PPP6R3: variants seen among roughly 807,000 people sequenced by gnomAD.
The protein encoded by PPP6R3 is protein phosphatase 6 regulatory subunit 3.
A neutral mutation model predicts 110.7 loss-of-function variants in PPP6R3; 38 were observed. The ratio of observed to expected loss-of-function variants is 0.34; its 90% CI spans 0.26 to 0.45. The LOEUF (loss-of-function observed/expected upper bound fraction) is 0.45. Ranked by LOEUF, PPP6R3 falls within the 20% of genes least tolerant of loss-of-function variation. The pLI, the probability that PPP6R3 is intolerant of heterozygous loss-of-function variation, is 1.00. For missense variants in PPP6R3, 870 were observed against 1,062.4 expected (o/e 0.82, Z 2.52); for synonymous variants, 369 against 373.5 (o/e 0.99, Z 0.14).
intron 1 of PPP6R3, among the ~76,000 whole-genome samples, chr11:68,516,431 A>G (rs921831727): frequency 6.6e-6 from 1 of 152,226 alleles, no homozygotes; most frequent in African/African-American, 2.4e-5. Context: ...TTTAAACACA[A>G]CTGAATTATA....
At chr11:68,594,308 G>GAAAA in intron 18 of PPP6R3, among the ~76,000 whole-genome samples, 2 of 149,064 alleles carry the variant, frequency 1.3e-5, no homozygotes, top group African/African-American at 5.0e-5. Context: ...AGGAGAGAGA[G>GAAAA]AGAGAGAGAG....
At chr11:68,494,441 C>T (rs2099004101) in intron 1 of PPP6R3, among the ~76,000 whole-genome samples, 2 of 146,342 alleles carry the variant, frequency 1.4e-5, no homozygotes, top group African/African-American at 5.1e-5. Flanking sequence ...AAAGCTGGTA[C>T]CTATACGCAA....
intron 2 of PPP6R3, among the ~76,000 whole-genome samples, chr11:68,527,320 A>G (rs2099204163): frequency 6.6e-6 from 1 of 152,102 alleles, no homozygotes; most frequent in African/African-American, 2.4e-5. Context: ...CCCCTCTCCA[A>G]TCTGTCTTTC....
intron 1 of PPP6R3, among the ~76,000 whole-genome samples, chr11:68,501,080 T>C (rs1423489501): frequency 1.3e-5 from 2 of 152,214 alleles, no homozygotes; most frequent in Non-Finnish European, 2.9e-5. Context: ...GTTAGTTTTT[T>C]CATGTTTATT....
intron 14 of PPP6R3, among the ~76,000 whole-genome samples, chr11:68,576,747 G>A (rs1421636532): frequency 2.0e-5 from 3 of 152,156 alleles, no homozygotes; most frequent in Non-Finnish European, 4.4e-5. Context: ...GAAGCAGCAC[G>A]TGACTCGACA....
intron 19 of PPP6R3, among the ~76,000 whole-genome samples, chr11:68,597,142 G>A (rs2099616124): frequency 1.3e-5 from 2 of 152,180 alleles, no homozygotes; most frequent in Admixed American, 6.5e-5. Context: ...AACTGTGAAC[G>A]GGCCACAGAC....
chr11:68,594,950 AAAGGCAATTCAGTGAAGAAAGG>A (rs1252419971), intron 18 of PPP6R3, among the ~76,000 whole-genome samples: 1 of 152,246 alleles, frequency 6.6e-6, no homozygotes, highest in Non-Finnish European at 1.5e-5. Flanking sequence ...GATAGAGGCG[AAAGGCAATTCAGTGAAGAAAGG>A]ATAGTCTTTT....
chr11:68,476,037 C>T (rs971540613), intron 1 of PPP6R3, among the ~76,000 whole-genome samples: 2 of 151,634 alleles, frequency 1.3e-5, no homozygotes, highest in Admixed American at 6.6e-5. Flanking sequence ...CAGGCAGAGA[C>T]GCTCCTCACT....
intron 1 of PPP6R3, among the ~76,000 whole-genome samples, chr11:68,484,308 C>T (rs887557167): frequency 2.0e-4 from 30 of 152,132 alleles, no homozygotes; most frequent in South Asian, 6.2e-4. Context: ...AGTGGCTGTA[C>T]CATTTTATAT....
chr11:68,498,380 A>T (rs1234502188), intron 1 of PPP6R3, among the ~76,000 whole-genome samples: 3 of 152,124 alleles, frequency 2.0e-5, no homozygotes, highest in African/African-American at 7.2e-5. Context: ...CTTCTCTTCT[A>T]TATTATTACT....
intron 6 of PPP6R3, among the ~76,000 whole-genome samples, chr11:68,552,875 G>C (rs922646260): frequency 1.3e-5 from 2 of 152,224 alleles, no homozygotes; most frequent in Admixed American, 6.5e-5. Flanking sequence ...TCTGCAACAA[G>C]TTTTTTGAGA....
intron 4 of PPP6R3, 47 bp from the exon 5 acceptor site, chr11:68,548,020 A>G: frequency 6.4e-7 from 1 of 1,574,762 alleles, no homozygotes; most frequent in Non-Finnish European, 8.6e-7. Context: ...TAAAGTTTAT[A>G]GTTTCCAAGT....
intron 15 of PPP6R3, 136 bp from the exon 16 acceptor site, chr11:68,587,791 C>T: frequency 1.2e-6 from 1 of 817,012 alleles, no homozygotes; most frequent in Non-Finnish European, 2.1e-6. Flanking sequence ...TTTGATTTTT[C>T]TTTTAGAAAA....
chr11:68,603,545 G>A, intron 22 of PPP6R3, 53 bp downstream of exon 22: 1 of 1,606,082 alleles, frequency 6.2e-7, no homozygotes, highest in Non-Finnish European at 8.5e-7. Context: ...GAGGATGGTG[G>A]GGCAGAAACC....
At chr11:68,563,753 T>C (rs993189900) in intron 8 of PPP6R3, among the ~76,000 whole-genome samples, 1 of 152,232 alleles carries the variant, frequency 6.6e-6, no homozygotes, top group African/African-American at 2.4e-5. Flanking sequence ...CCCAGAATTC[T>C]TATCCTTGAG....
At chr11:68,506,414 C>CAA (rs67739319) in intron 1 of PPP6R3, among the ~76,000 whole-genome samples, 1,033 of 46,054 alleles carry the variant, frequency 0.022, 109 homozygotes, top group South Asian at 0.037. Flanking sequence ...CCTTTATACT[C>CAA]AAAAAAAAAA....
At chr11:68,595,860 G>T (rs2099612447) in intron 18 of PPP6R3, among the ~76,000 whole-genome samples, 1 of 152,186 alleles carries the variant, frequency 6.6e-6, no homozygotes, top group Non-Finnish European at 1.5e-5. Flanking sequence ...TTCTTAGATT[G>T]TGGCCTCCAC....
intron 2 of PPP6R3, among the ~76,000 whole-genome samples, chr11:68,528,325 G>A (rs2099212017): frequency 6.6e-6 from 1 of 151,596 alleles, no homozygotes; most frequent in Non-Finnish European, 1.5e-5. Flanking sequence ...TTTGGAAGAA[G>A]CAGTTGCAGA....
chr11:68,612,411 T>TA (rs1411532018), intron 23 of PPP6R3, among the ~76,000 whole-genome samples: 2 of 152,194 alleles, frequency 1.3e-5, no homozygotes, highest in Non-Finnish European at 2.9e-5. Flanking sequence ...GTCTGCTTGA[T>TA]ACAATTTTGG....
Sources: gnomAD v4.1 joint callset for allele counts (sites outside exome capture counted in the v4.1 genomes callset) on GRCh38, gnomAD v4.1.1 for gene constraint, MANE v1.5 for transcripts, NCBI Gene and HGNC (gene_info 2026-07-23, HGNC 2026-07-21) for gene names.